The following CD9 variants were observed in gnomAD, a reference collection of about 807,000 sequenced individuals.
CD9 encodes CD9 molecule.
Under a neutral mutation model 31.4 loss-of-function variants are expected in CD9, and 10 were observed. The ratio of observed to expected loss-of-function variants is 0.32; its 90% CI spans 0.20 to 0.54. CD9 has a LOEUF of 0.54. Ranked by LOEUF, CD9 falls within the 20% of genes least tolerant of loss-of-function variation. The pLI is 0.94. For missense variants in CD9, 259 were observed against 300.1 expected (o/e 0.86, Z 1.01); for synonymous variants, 113 against 114.1 (o/e 0.99, Z 0.06).
chr12:6,217,466 G>A (rs1046005702), intron 1 of CD9, among the ~76,000 whole-genome samples: 1 of 152,230 alleles, frequency 6.6e-6, no homozygotes, highest in African/African-American at 2.4e-5. Flanking sequence ...GGGAAGCAGA[G>A]GTTGCAGTGA....
chr12:6,201,195 G>T lies in CD9; in HGVS notation c.66+630G>T, dbSNP rs560760618. 5.3e-5 allele frequency among the ~76,000 whole-genome samples: 8 copies of T among 152,342 alleles called. No individual in the cohort carries two copies. The East Asian group carries it at 9.7e-4, about 18-fold the overall frequency. ...AACCTCGCAGGCCCCCGTTCCCTCA[G>T]ACTTTGATTCTGAGCCACCGTGAGA... On this transcript the variant is annotated intron_variant, in intron 1 of 7. Transcript: ENST00000009180.
intron 7 of CD9, among the ~76,000 whole-genome samples, chr12:6,237,281 T>A (rs1168785743): frequency 6.6e-6 from 1 of 151,856 alleles, no homozygotes; most frequent in African/African-American, 2.4e-5. Flanking sequence ...AGCCAAGATA[T>A]AACAATACGT....
rs767866629 is a variant in CD9, at chr12:6,225,378, T to G, written c.67-48T>G. On this transcript the variant is annotated intron_variant, in intron 1 of 7. Coordinates refer to ENST00000009180, the MANE Select transcript of CD9 (RefSeq NM_001769.4). ...CACCCTTAAGCGCGTGGGGACTGTG[T>G]TGTTGCTGGCAGCCAGAATTAATGC... 4 of 1,277,878 alleles carry G rather than the reference T, an allele frequency of 3.1e-6. No homozygotes were observed. The African/African-American group carries it at 5.9e-5, about 19-fold the overall frequency. The allele number at this position is 1,277,878 out of a possible 1,614,324, so 79.2% of individuals were successfully genotyped here.
At chr12:6,224,881 C>G (rs1238726480) in intron 1 of CD9, 1 of 152,672 alleles carries the variant, frequency 6.5e-6, no homozygotes. Context: ...AACCATCACC[C>G]AAGTCAACAG....
At chr12:6,214,779 A>G (rs1023125429) in intron 1 of CD9, among the ~76,000 whole-genome samples, 1 of 152,110 alleles carries the variant, frequency 6.6e-6, no homozygotes, top group Non-Finnish European at 1.5e-5. Flanking sequence ...GGAGGTTCTT[A>G]CCAGGAGTGC....
intron 1 of CD9, chr12:6,224,848 T>G (rs1441422000): frequency 6.6e-6 from 1 of 152,220 alleles, no homozygotes; most frequent in East Asian, 1.9e-4. Context: ...CCCTCCCTGG[T>G]GCATGTGTGT....
intron 1 of CD9, among the ~76,000 whole-genome samples, chr12:6,224,680 C>T (rs558166210): frequency 1.4e-4 from 21 of 152,302 alleles, no homozygotes; most frequent in African/African-American, 4.3e-4. Context: ...GTCACTCCCC[C>T]GGCAAGCCCT....
intron 2 of CD9, among the ~76,000 whole-genome samples, chr12:6,227,803 T>G (rs1946389358): frequency 6.6e-6 from 1 of 152,174 alleles, no homozygotes; most frequent in South Asian, 2.1e-4. Context: ...TTGGCAGGGA[T>G]GGGGTGGCGC....
At chr12:6,225,863 GTCT>G (rs908713903) in intron 2 of CD9, 4 of 256,118 alleles carry the variant, frequency 1.6e-5, no homozygotes, top group African/African-American at 4.5e-5. Flanking sequence ...TCTCCTGATT[GTCT>G]TCTTATCCTG....
intron 1 of CD9, among the ~76,000 whole-genome samples, chr12:6,207,768 A>G (rs1300333796): frequency 1.3e-5 from 2 of 152,236 alleles, no homozygotes; most frequent in Non-Finnish European, 2.9e-5. Flanking sequence ...AGGGGCCCGG[A>G]TTAATGTGAT....
At chr12:6,219,504 G>A (rs1392850770) in intron 1 of CD9, among the ~76,000 whole-genome samples, 1 of 149,684 alleles carries the variant, frequency 6.7e-6, no homozygotes, top group African/African-American at 2.5e-5. Context: ...TTTTTCTTTT[G>A]AGATGGAGTC....
chr12:6,210,472 C>G (rs1051308900), intron 1 of CD9, among the ~76,000 whole-genome samples: 1 of 152,126 alleles, frequency 6.6e-6, no homozygotes, highest in African/African-American at 2.4e-5. Context: ...AGACTCTCTT[C>G]GAGCACCCAC....
At chr12:6,222,709 A>T (rs781303171) in intron 1 of CD9, among the ~76,000 whole-genome samples, 2 of 152,160 alleles carry the variant, frequency 1.3e-5, no homozygotes, top group Non-Finnish European at 1.5e-5. Context: ...GGTCCTCGAC[A>T]TTGGGGCTCT....
At chr12:6,211,331 C>T (rs144857807) in intron 1 of CD9, among the ~76,000 whole-genome samples, 67 of 152,232 alleles carry the variant, frequency 4.4e-4, no homozygotes, top group African/African-American at 1.5e-3. Context: ...GAGCTCCTGG[C>T]AGAGGGGTAG....
In CD9 at chr12:6,235,233, T is replaced by C; in HGVS notation, c.353T>C (p.Ile118Thr). 1 of 1,604,100 alleles carries C rather than the reference T, an allele frequency of 6.2e-7. No individual in the cohort carries two copies. Among genetic ancestry groups the C allele is most frequent in the Non-Finnish European group, 8.5e-7 (1 of 1,171,348 alleles). ...IWGYSHKDEV[I>T]KEVQEFYKDT... is the part of the protein sequence containing the mutation. ...TCTCTCGTCTGCCCATTGTAGGTGA[T>C]TAAGGAAGTCCAGGAGTTTTACAAG... The change falls in exon 5 of 8, where the codon ATT becomes ACT. Residue 118 changes from isoleucine (I) to threonine (T), a missense_variant. Coordinates refer to ENST00000009180, the MANE Select transcript of CD9 (RefSeq NM_001769.4).
intron 2 of CD9, 24 bp downstream of exon 2, chr12:6,225,558 G>A (rs1217792789): frequency 7.0e-7 from 1 of 1,435,584 alleles, no homozygotes; most frequent in Non-Finnish European, 9.8e-7. Context: ...AAGGCTCAGT[G>A]AATTCAGACC....
chr12:6,213,050 A>T (rs1235010207), intron 1 of CD9, among the ~76,000 whole-genome samples: 1 of 152,168 alleles, frequency 6.6e-6, no homozygotes, highest in Non-Finnish European at 1.5e-5. Context: ...TATCTGTGTA[A>T]TGAAGGTAAT....
chr12:6,207,796 T>C (rs1404174360), intron 1 of CD9, among the ~76,000 whole-genome samples: 3 of 152,100 alleles, frequency 2.0e-5, no homozygotes, highest in Non-Finnish European at 2.9e-5. Flanking sequence ...GAGGTCCCGG[T>C]AGAGAGAAGT....
chr12:6,210,400 A>G (rs1695703551), intron 1 of CD9, among the ~76,000 whole-genome samples: 1 of 152,226 alleles, frequency 6.6e-6, no homozygotes, highest in Non-Finnish European at 1.5e-5. Context: ...CAGTGGAACC[A>G]AGGGTGTGGC....
Sources: gnomAD v4.1 joint callset for allele counts (sites outside exome capture counted in the v4.1 genomes callset) on GRCh38, gnomAD v4.1.1 for gene constraint, MANE v1.5 for transcripts, NCBI Gene and HGNC (gene_info 2026-07-23, HGNC 2026-07-21) for gene names.